Variants in VKORC1L1 observed in about 807,000 individuals in gnomAD.
VKORC1L1 encodes vitamin K epoxide reductase complex subunit 1L1, also known as vitamin K epoxide reductase complex subunit 1-like protein 1.
Under a neutral mutation model 18.9 loss-of-function variants are expected in VKORC1L1, and 2 were observed. The ratio of observed to expected loss-of-function variants is 0.11; its 90% CI spans 0.04 to 0.33. The LOEUF is 0.33. Among genes scored for constraint, VKORC1L1 ranks in the 10% least tolerant of loss-of-function variants. VKORC1L1 has a pLI of 1.00. For synonymous variants in VKORC1L1, 96 were observed against 100.0 expected (o/e 0.96, Z 0.24); for missense variants, 123 against 224.1 (o/e 0.55, Z 2.88).
At chr7:65,940,423 A>G (rs965212775) in intron 1 of VKORC1L1, among the ~76,000 whole-genome samples, 1 of 152,214 alleles carries the variant, frequency 6.6e-6, no homozygotes, top group Admixed American at 6.6e-5. Context: ...TTTGACCTCC[A>G]GTGTGTATTT....
At position 65,874,711 on chromosome 7, in the gene VKORC1L1, C is replaced by T. The variant is rs1788797178; in HGVS notation, c.194+1146C>T. 2.0e-5 allele frequency among the ~76,000 whole-genome samples: 3 copies of T among 152,026 alleles called. 1 individual carries two copies. In the South Asian group the frequency reaches 6.2e-4, roughly 32 times the overall value. On this transcript the variant is annotated intron_variant, in intron 1 of 2. Coordinates refer to ENST00000360768, the MANE Select transcript of VKORC1L1 (RefSeq NM_173517.6). Reference sequence around the variant, plus strand: ...GTCCCAGCTACTCGGGAGGCTGAGGCAGGAGAATTGCTTGAACCTGGGAGG... The same window carrying T: ...GTCCCAGCTACTCGGGAGGCTGAGGTAGGAGAATTGCTTGAACCTGGGAGG...
At chr7:65,868,519 CTCATATGTTTA>C (rs1457817002), upstream of VKORC1L1, among the ~76,000 whole-genome samples, 1 of 152,136 alleles carries the variant, frequency 6.6e-6, no homozygotes, top group Admixed American at 6.6e-5. Flanking sequence ...AGTACCTGTA[CTCATATGTTTA>C]TCACAGCACT....
At chr7:65,933,571 T>C (rs1239926216) in intron 1 of VKORC1L1, among the ~76,000 whole-genome samples, 1 of 152,204 alleles carries the variant, frequency 6.6e-6, no homozygotes, top group Non-Finnish European at 1.5e-5. Context: ...TCTTAACCTA[T>C]GTTATTATAT....
rs367927830 is a variant in VKORC1L1, at chr7:65,877,776, A to T, written c.194+4211A>T. On this transcript the variant is annotated intron_variant, in intron 1 of 2. Transcript: ENST00000360768. ...GCTTGACAAATCTATGTTTCTTAAA[A>T]CTGTAAAAATAGTCTGGTTGTCCTA... 7.0e-4 allele frequency among the ~76,000 whole-genome samples: 106 copies of T among 152,290 alleles called. 1 individual carries two copies. Among genetic ancestry groups the T allele is most frequent in the African/African-American group, 2.5e-3 (103 of 41,566 alleles).
intron 1 of VKORC1L1, among the ~76,000 whole-genome samples, chr7:65,944,605 A>G (rs1172208234): frequency 1.3e-5 from 2 of 151,758 alleles, no homozygotes; most frequent in African/African-American, 4.9e-5. Flanking sequence ...AGTTTTCTAT[A>G]ATTTTTTTTT....
chr7:65,920,885 G>A (rs1018666124), intron 1 of VKORC1L1, among the ~76,000 whole-genome samples: 8 of 148,546 alleles, frequency 5.4e-5, no homozygotes, highest in Non-Finnish European at 1.2e-4. Flanking sequence ...AGGGAGAGAA[G>A]GAAGAAAGGA....
At chr7:65,925,575 G>A (rs1396172762) in intron 1 of VKORC1L1, among the ~76,000 whole-genome samples, 2 of 152,236 alleles carry the variant, frequency 1.3e-5, no homozygotes, top group East Asian at 3.9e-4. Flanking sequence ...GCTTCTTGAG[G>A]GTAGGGGCTG....
intron 1 of VKORC1L1, among the ~76,000 whole-genome samples, chr7:65,879,351 A>G (rs1788884363): frequency 6.6e-6 from 1 of 152,192 alleles, no homozygotes; most frequent in Non-Finnish European, 1.5e-5. Context: ...GGTTGAACTG[A>G]AAAGAGTCCA....
chr7:65,868,954 G>T (rs1466187837), upstream of VKORC1L1, among the ~76,000 whole-genome samples: 1 of 152,058 alleles, frequency 6.6e-6, no homozygotes, highest in Non-Finnish European at 1.5e-5. Context: ...TGGTCCAGTT[G>T]TGAAGTCTCA....
At position 65,948,603 on chromosome 7, in the gene VKORC1L1, AAAT is replaced by A. The variant is rs1167269865; in HGVS notation, c.195-64_195-62del. On this transcript the variant is annotated intron_variant, in intron 1 of 2. Coordinates refer to ENST00000360768, the MANE Select transcript of VKORC1L1 (RefSeq NM_173517.6). ...GATTTTAGAATTGGATAACGTTCTC[AAAT>A]AATGATACATTTTTTAAAATAGGGA... 1.0e-5 allele frequency: 6 copies of A among 576,610 alleles called. No individual in the cohort carries two copies. In the Admixed American group the frequency reaches 1.2e-4, roughly 12 times the overall value. 35.7% of individuals were successfully genotyped at this position (576,610 alleles called of 1,614,324 possible).
chr7:65,947,805 C>T (rs1247289681), intron 1 of VKORC1L1, among the ~76,000 whole-genome samples: 8 of 152,128 alleles, frequency 5.3e-5, no homozygotes, highest in Non-Finnish European at 1.2e-4. Flanking sequence ...ATTCTCCTGC[C>T]TTAGTCTCCC....
intron 1 of VKORC1L1, among the ~76,000 whole-genome samples, chr7:65,906,741 G>A (rs1421502237): frequency 6.6e-6 from 1 of 152,322 alleles, no homozygotes; most frequent in East Asian, 1.9e-4. Flanking sequence ...TGGCGTGAAA[G>A]TAAAGGGGAA....
At chr7:65,872,134 T>G (rs1286312324), upstream of VKORC1L1, among the ~76,000 whole-genome samples, 1 of 152,226 alleles carries the variant, frequency 6.6e-6, no homozygotes, top group African/African-American at 2.4e-5. Flanking sequence ...TATGATGCAA[T>G]TTTAATAACT....
intron 1 of VKORC1L1, among the ~76,000 whole-genome samples, chr7:65,880,118 T>G (rs1788904000): frequency 6.6e-6 from 1 of 152,196 alleles, no homozygotes. Context: ...CCTCCCAAAG[T>G]GCTGAGATTA....
chr7:65,868,972 T>TATCA (rs1409192662), upstream of VKORC1L1, among the ~76,000 whole-genome samples: 8 of 152,122 alleles, frequency 5.3e-5, no homozygotes, highest in East Asian at 1.2e-3. Context: ...TCATACAGAG[T>TATCA]ATCAATCAGT....
intron 1 of VKORC1L1, among the ~76,000 whole-genome samples, chr7:65,933,800 T>G (rs747324256): frequency 2.0e-5 from 3 of 152,188 alleles, no homozygotes; most frequent in Admixed American, 6.5e-5. Context: ...TCTATTGACT[T>G]TTTATTTTTA....
chr7:65,916,089 C>CAGCAGACCGTGACTCTGTCT (rs1789584525), intron 1 of VKORC1L1, among the ~76,000 whole-genome samples: 1 of 145,804 alleles, frequency 6.9e-6, no homozygotes, highest in South Asian at 2.2e-4. Flanking sequence ...CCAGCCTGGG[C>CAGCAGACCGTGACTCTGTCT]AGCAGACCGT....
chr7:65,949,520 G>A (rs1014270484), intron 2 of VKORC1L1, among the ~76,000 whole-genome samples: 1 of 151,420 alleles, frequency 6.6e-6, no homozygotes, highest in Non-Finnish European at 1.5e-5. Context: ...ATAACTTGGG[G>A]CCAGGTGCAG....
chr7:65,928,826 T>A (rs763317310), intron 1 of VKORC1L1, among the ~76,000 whole-genome samples: 1 of 152,184 alleles, frequency 6.6e-6, no homozygotes, highest in Non-Finnish European at 1.5e-5. Flanking sequence ...CCAATTTGAT[T>A]TCCATACTAT....
Sources: gnomAD v4.1 joint callset for allele counts (sites outside exome capture counted in the v4.1 genomes callset) on GRCh38, gnomAD v4.1.1 for gene constraint, MANE v1.5 for transcripts, NCBI Gene and HGNC (gene_info 2026-07-23, HGNC 2026-07-21) for gene names.